LILRA1: variants seen among roughly 807,000 people sequenced by gnomAD.
LILRA1 encodes the protein leukocyte immunoglobulin-like receptor subfamily A member 1.
LILRA1 carries 51 observed loss-of-function variants against 51.6 expected under a neutral mutation model. The ratio of observed to expected loss-of-function variants is 0.99; its 90% confidence interval spans 0.79 to 1.25. LILRA1 has a LOEUF of 1.25. Among genes scored for constraint, LILRA1 ranks in the 50% most tolerant of loss-of-function variants. The probability of loss-of-function intolerance (pLI) is 0.00; values close to 1 mark genes in which losing one functional copy is unlikely to be tolerated. For synonymous variants in LILRA1, 305 were observed against 248.4 expected (o/e 1.23, Z -2.14); for missense variants, 660 against 611.7 (o/e 1.08, Z -0.83).
chr19:54,594,518 G>C (rs530413054), intron 3 of LILRA1, 42 bp downstream of exon 3: 1 of 1,613,936 alleles, frequency 6.2e-7, no homozygotes, highest in Non-Finnish European at 8.5e-7. Context: ...CCTCCTCACT[G>C]GGGACAAGGG....
In LILRA1 at chr19:54,598,816, A is replaced by T. The variant is rs545164802; in HGVS notation, c.1262-420A>T. On this transcript the variant is annotated intron_variant, in intron 7 of 9. Transcript: ENST00000251372. ...ATAATTAAAAAAAATTTTTTTTGAG[A>T]TGGAGTTTTGCTCTTGTTGCCCAGT... 5.9e-5 allele frequency among the ~76,000 whole-genome samples: 9 copies of T among 152,208 alleles called. No homozygotes were observed. The South Asian group carries it at 1.9e-3, about 32-fold the overall frequency.
At chr19:54,597,566 G>A (rs913180347) in intron 7 of LILRA1, among the ~76,000 whole-genome samples, 9 of 152,092 alleles carry the variant, frequency 5.9e-5, no homozygotes, top group Non-Finnish European at 1.2e-4. Flanking sequence ...AGGGAGAACA[G>A]GTCGGGTCAG....
chr19:54,593,962 A>T (rs1453920315), intron 1 of LILRA1, among the ~76,000 whole-genome samples, 181 bp downstream of exon 1: 1 of 152,208 alleles, frequency 6.6e-6, no homozygotes, highest in African/African-American at 2.4e-5. Flanking sequence ...AACCAGACAG[A>T]CAGTGGCTGG....
At chr19:54,599,900 C>A (rs1333551940) in intron 8 of LILRA1, among the ~76,000 whole-genome samples, 1 of 152,028 alleles carries the variant, frequency 6.6e-6, no homozygotes, top group Non-Finnish European at 1.5e-5. Context: ...GATTTATGAA[C>A]CTTGAGTGAC....
rs369584193 is a variant in LILRA1 at position 54,594,297 on chromosome 19, G to A, written c.34+19G>A. 17 of 1,612,124 alleles carry A rather than the reference G, an allele frequency of 1.1e-5. No individual in the cohort carries two copies. Among genetic ancestry groups the A allele is most frequent in the Non-Finnish European group, 1.4e-5 (16 of 1,179,258 alleles). On this transcript the variant is annotated intron_variant, in intron 2 of 9. Transcript: ENST00000251372. ...TGTCTCAGTGAGATTTGAAGAGGGA[G>A]GGGAGCTTCTAACCTAGGAGGGACC...
Position 54,594,591 on chromosome 19 carries a change from G to T in LILRA1, c.71-74G>T. On this transcript the variant is annotated intron_variant, in intron 3 of 9. Transcript: ENST00000251372. ...CTGGACTGACTGATGGGGGCATCTG[G>T]AGGGTCCTGGGCTGAGAGCTGAGAT... 4 of 1,609,318 alleles carry T rather than the reference G, an allele frequency of 2.5e-6. 1 individual carries two copies. The South Asian group carries it at 3.3e-5, about 13-fold the overall frequency.
rs2063170623 is a variant in LILRA1 at position 54,602,112 on chromosome 19, TATC to T, written c.*1298_*1300del. ...TCTACCCTGTAGAATAAAGAAATCTTATCATTCACCGTCTACCCTCTAGAGTAA... is the reference window on the plus strand; with the variant it reads ...TCTACCCTGTAGAATAAAGAAATCTTATTCACCGTCTACCCTCTAGAGTAA... On this transcript the variant is annotated 3_prime_UTR_variant, in exon 10 of 10. Transcript: ENST00000251372. 2 of 152,054 alleles carry T rather than the reference TATC, an allele frequency of 1.3e-5. No homozygotes were observed. Among genetic ancestry groups the T allele is most frequent in the Admixed American group, 1.3e-4 (2 of 15,262 alleles). The allele number at this position is 152,054 out of a possible 1,614,324, so 9.4% of individuals were successfully genotyped here.
At chr19:54,598,850 C>T (rs1038386341) in intron 7 of LILRA1, among the ~76,000 whole-genome samples, 1 of 151,844 alleles carries the variant, frequency 6.6e-6, no homozygotes, top group Non-Finnish European at 1.5e-5. Flanking sequence ...GTCTGGAGTG[C>T]AGTGGTGAAA....
Position 54,594,232 on chromosome 19 carries a change from G to C in LILRA1, c.-13G>C. ...TCATCCATCCGCAGAGCAGGGCAGT[G>C]GGAGGAGACGCTATGACCCCCATCG... On this transcript the variant is annotated 5_prime_UTR_variant, in exon 2 of 10. Coordinates refer to ENST00000251372, the MANE Select transcript of LILRA1 (RefSeq NM_006863.4). 2.5e-6 allele frequency: 4 copies of C among 1,613,006 alleles called. No individual in the cohort carries two copies. Among genetic ancestry groups the C allele is most frequent in the Non-Finnish European group, 3.4e-6 (4 of 1,179,562 alleles).
At chr19:54,599,796 A>T (rs1600276519) in intron 8 of LILRA1, 1 of 268,158 alleles carries the variant, frequency 3.7e-6, no homozygotes, top group East Asian at 1.7e-4. Context: ...ATGTATATTC[A>T]TGCATATGCT....
In LILRA1 at chr19:54,594,679, C is replaced by G. The variant is rs777816117; in HGVS notation, c.85C>G (p.Pro29Ala). 2 of 1,613,038 alleles carry G rather than the reference C, an allele frequency of 1.2e-6. No individual in the cohort carries two copies. The highest frequency in any genetic ancestry group is 1.7e-6 in the Non-Finnish European group (2 of 1,179,586). The change falls in exon 4 of 10, where the codon CCC becomes GCC. Residue 29 changes from proline (P) to alanine (A), a missense_variant. Coordinates refer to ENST00000251372, the MANE Select transcript of LILRA1 (RefSeq NM_006863.4). ...TTTCCTTCCAGGGACCCTCCCCAAG[C>G]CCACACTCTGGGCTGAGCCAGGCTC... ...THVQAGTLPK[P>A]TLWAEPGSVI...
intron 8 of LILRA1, among the ~76,000 whole-genome samples, chr19:54,600,039 C>A (rs1364886317): frequency 6.6e-6 from 1 of 152,144 alleles, no homozygotes; most frequent in African/African-American, 2.4e-5. Flanking sequence ...GATGAAACCC[C>A]AGGTGAACTG....
At chr19:54,594,016 G>A (rs1207019128) in intron 1 of LILRA1, among the ~76,000 whole-genome samples, 181 bp from the exon 2 acceptor site, 1 of 148,266 alleles carries the variant, frequency 6.7e-6, no homozygotes, top group African/African-American at 2.5e-5. Context: ...TCTGCAGAGG[G>A]CCTGGTTCCT....
rs201805020 is a variant in LILRA1 at position 54,595,870 on chromosome 19, C to A, written c.893C>A (p.Ser298Tyr). ...SRSYGGQYRCSGAYNLSSEWS... is the reference protein window; with the variant it reads ...SRSYGGQYRCYGAYNLSSEWS... ...TCCTACGGGGGCCAGTACAGATGCT[C>A]CGGTGCATACAACCTCTCCTCCGAG... is the stretch of plus-strand genomic sequence containing the variant. The change falls in exon 6 of 10, where the codon TCC becomes TAC. Residue 298 changes from serine to tyrosine, a missense_variant. Physicochemically the swap from Ser to Tyr is moderately radical, Grantham distance 144. Transcript: ENST00000251372. The A allele has an allele frequency of 7.1e-5, 115 of 1,613,684 alleles. No individual in the cohort carries two copies. The highest frequency in any genetic ancestry group is 3.5e-4 in the African/African-American group (26 of 74,940).
chr19:54,595,334 A>G lies in LILRA1; in HGVS notation c.593A>G (p.Tyr198Cys), dbSNP rs2063015252. ...SPSRRWSYRC[Y>C]AYDSNSPHVW... is the part of the protein sequence containing the mutation. Reference sequence around the variant, plus strand: ...AGTCGCAGGTGGTCGTACAGGTGCTATGCTTATGACTCGAACTCTCCCCAT... The same window carrying G: ...AGTCGCAGGTGGTCGTACAGGTGCTGTGCTTATGACTCGAACTCTCCCCAT... The change falls in exon 5 of 10, where the codon TAT (tyrosine) becomes TGT (cysteine). Residue 198 changes from tyrosine to cysteine, a missense_variant. Tyr to Cys is a radical substitution (Grantham distance 194). Coordinates refer to ENST00000251372, the MANE Select transcript of LILRA1 (RefSeq NM_006863.4). The G allele has an allele frequency of 5.0e-6, 8 of 1,613,882 alleles. No individual in the cohort carries two copies. The highest frequency in any genetic ancestry group is 6.8e-6 in the Non-Finnish European group (8 of 1,179,946).
chr19:54,598,297 G>A (rs974010923), intron 7 of LILRA1, among the ~76,000 whole-genome samples: 15 of 151,452 alleles, frequency 9.9e-5, no homozygotes, highest in Admixed American at 5.9e-4. Context: ...CTTTCATTGG[G>A]GCTTGATTTA....
chr19:54,600,837 CA>C lies in LILRA1; in HGVS notation c.*21del. 1.2e-6 allele frequency: 2 copies of C among 1,612,606 alleles called. No homozygotes were observed. The highest frequency in any genetic ancestry group is 1.7e-6 in the Non-Finnish European group (2 of 1,178,638). ...CTCTGAGATGCAGCCGGGAGGTGAA[CA>C]GCAGAGAGAAGAATGTACCCTTCAG... On this transcript the variant is annotated 3_prime_UTR_variant, in exon 10 of 10. Coordinates refer to ENST00000251372, the MANE Select transcript of LILRA1 (RefSeq NM_006863.4).
intron 6 of LILRA1, 85 bp downstream of exon 6, chr19:54,596,020 G>T: frequency 1.9e-6 from 3 of 1,564,262 alleles, no homozygotes; most frequent in Non-Finnish European, 2.6e-6. Flanking sequence ...GCCGGAATGA[G>T]GGGTGGGGGT....
At chr19:54,600,491 C>T (rs1214281367) in intron 8 of LILRA1, 21 bp from the exon 9 acceptor site, 1 of 1,613,932 alleles carries the variant, frequency 6.2e-7, no homozygotes, top group Non-Finnish European at 8.5e-7. Flanking sequence ...CAGGGCTCTT[C>T]CCCTCTGTTT....
Sources: gnomAD v4.1 joint callset for allele counts (sites outside exome capture counted in the v4.1 genomes callset) on GRCh38, gnomAD v4.1.1 for gene constraint, MANE v1.5 for transcripts, NCBI Gene and HGNC (gene_info 2026-07-23, HGNC 2026-07-21) for gene names.